The following C2CD2 variants were observed in gnomAD, a reference collection of about 807,000 sequenced individuals.
C2CD2 encodes C2 calcium dependent domain containing 2.
A neutral mutation model predicts 74.3 loss-of-function variants in C2CD2; 43 were observed. The observed-to-expected ratio is 0.58, with a 90% CI of 0.45 to 0.75. The LOEUF is 0.75. C2CD2 is among the 30% of genes least tolerant of loss of function. The pLI, the probability that C2CD2 is intolerant of heterozygous loss-of-function variation, is 0.00. For synonymous variants in C2CD2, 422 were observed against 390.7 expected (o/e 1.08, Z -0.94); for missense variants, 801 against 916.3 (o/e 0.87, Z 1.63).
chr21:41,908,637 A>C (rs2064993313), intron 8 of C2CD2: 1 of 152,180 alleles, frequency 6.6e-6, no homozygotes, highest in Non-Finnish European at 1.5e-5. Context: ...GCTAACAACT[A>C]GGATATAAAA....
intron 1 of C2CD2, among the ~76,000 whole-genome samples, chr21:41,946,021 A>G (rs2065395116): frequency 6.6e-6 from 1 of 152,240 alleles, no homozygotes; most frequent in Non-Finnish European, 1.5e-5. Context: ...ATATTGAGCT[A>G]AACAATCAGA....
chr21:41,927,118 T>C (rs552089071), intron 2 of C2CD2, among the ~76,000 whole-genome samples: 1 of 152,222 alleles, frequency 6.6e-6, no homozygotes, highest in Admixed American at 6.5e-5. Flanking sequence ...ATCTACAACA[T>C]TTAATCCTGT....
Position 41,939,878 on chromosome 21 carries a change from C to A in C2CD2, c.378+2269G>T, listed in dbSNP as rs1390862070. 6.6e-6 allele frequency among the ~76,000 whole-genome samples: 1 copy of A among 152,194 alleles called. No individual in the cohort carries two copies. The highest frequency in any genetic ancestry group is 2.4e-5 in the African/African-American group (1 of 41,448). ...ACACCAGTGACCCGCCAGGCTCATG[C>A]CTGCCCTTGGGGTCCTCCGGTGCTT... On this transcript the variant is annotated intron_variant, in intron 2 of 13. Transcript: ENST00000380486. The surrounding 1 kb of genome is among the most constrained non-coding windows in gnomAD (Gnocchi z 5.5).
At chr21:41,938,335 A>G (rs113628939) in intron 2 of C2CD2, among the ~76,000 whole-genome samples, 188 of 152,348 alleles carry the variant, frequency 1.2e-3, no homozygotes, top group African/African-American at 4.2e-3. Flanking sequence ...CAAAGCTTGT[A>G]TGTGAAATAG....
chr21:41,911,898 C>T (rs886460485), intron 7 of C2CD2, among the ~76,000 whole-genome samples: 1 of 152,270 alleles, frequency 6.6e-6, no homozygotes, highest in East Asian at 1.9e-4. Flanking sequence ...GAAGAGGTCT[C>T]GCTATGTTGC....
rs914679353 is a variant in C2CD2, at chr21:41,948,164, C to A, written c.279+5206G>T. On this transcript the variant is annotated intron_variant, in intron 1 of 13. Transcript: ENST00000380486. The stretch of plus-strand genomic sequence containing the variant: ...CATTAAACAGCTTGTTTTGCCCAGG[C>A]CTGGCTGGCTCCCAAGACAGAAGGC... Among the ~76,000 whole-genome samples, 11 of 152,354 alleles carry A rather than the reference C, an allele frequency of 7.2e-5. No homozygotes were observed. The East Asian group carries it at 2.1e-3, about 29-fold the overall frequency.
intron 2 of C2CD2, among the ~76,000 whole-genome samples, chr21:41,933,387 A>G (rs2065279787): frequency 6.6e-6 from 1 of 152,142 alleles, no homozygotes; most frequent in Non-Finnish European, 1.5e-5. Context: ...GAGGAACACC[A>G]CTGTGAACCC....
chr21:41,913,069 T>A (rs1241131825), intron 6 of C2CD2, among the ~76,000 whole-genome samples: 2 of 152,236 alleles, frequency 1.3e-5, no homozygotes, highest in Non-Finnish European at 1.5e-5. Context: ...GGCAGCACCA[T>A]TATATACACA....
At position 41,924,411 on chromosome 21, in the gene C2CD2, T is replaced by C. The variant is rs1053737833; in HGVS notation, c.379-2326A>G. ...GCCTTCTCTCAATATTGGCAGAAAG[T>C]CGTGCAACTCTTTCTACCGGTTCTT... On this transcript the variant is annotated intron_variant, in intron 2 of 13. Coordinates refer to ENST00000380486, the MANE Select transcript of C2CD2 (RefSeq NM_015500.2). The surrounding 1 kb of genome is among the most constrained non-coding windows in gnomAD (Gnocchi z 4.4). Among the ~76,000 whole-genome samples, 12 of 152,332 alleles carry C rather than the reference T, an allele frequency of 7.9e-5. No homozygotes were observed. Among genetic ancestry groups the C allele is most frequent in the Admixed American group, 3.3e-4 (5 of 15,306 alleles).
rs751189114 is a variant in C2CD2 at position 41,907,672 on chromosome 21, C to A, written c.1131G>T (p.Ser377=). ...GSACGSSVLG[S]VTAEFSYMEP... is the part of the protein sequence containing the mutation. ...AGCCTCGCCCTACCTCTGCCGTGAC[C>A]GAGCCCAGCACCGAGCTGCCGCAGG... Residue 377 remains serine (S), a synonymous_variant, in exon 9 of 14, where the codon TCG becomes TCT. Transcript: ENST00000380486. The A allele has an allele frequency of 6.2e-6, 10 of 1,611,388 alleles. No homozygotes were observed. The highest frequency in any genetic ancestry group is 1.3e-5 in the African/African-American group (1 of 74,866).
intron 2 of C2CD2, among the ~76,000 whole-genome samples, chr21:41,933,009 C>A (rs551912232): frequency 6.7e-6 from 1 of 150,268 alleles, no homozygotes; most frequent in Admixed American, 6.7e-5. Flanking sequence ...CTCAGGCCAG[C>A]CAGTCCTCGG....
chr21:41,931,562 A>G (rs2065261523), intron 2 of C2CD2, among the ~76,000 whole-genome samples: 2 of 149,328 alleles, frequency 1.3e-5, no homozygotes, highest in South Asian at 4.3e-4. Flanking sequence ...AGCTGGGACT[A>G]CAGGCGCGTG....
chr21:41,925,280 G>A (rs1213155283), intron 2 of C2CD2, among the ~76,000 whole-genome samples: 4 of 151,782 alleles, frequency 2.6e-5, no homozygotes, highest in East Asian at 3.9e-4. Context: ...GAGTCCAGGA[G>A]TTCAAGACTA....
chr21:41,899,690 A>G lies in C2CD2; in HGVS notation c.1561-328T>C, dbSNP rs888824962. ...TGCAGAAATGAGATGCGAGAGAGAGAGCCCGTCCTTCAGAGTCCACGACAG... is the reference window on the plus strand; with the variant it reads ...TGCAGAAATGAGATGCGAGAGAGAGGGCCCGTCCTTCAGAGTCCACGACAG... On this transcript the variant is annotated intron_variant, in intron 12 of 13. Coordinates refer to ENST00000380486, the MANE Select transcript of C2CD2 (RefSeq NM_015500.2). This position sits in a 1 kb window ranked among gnomAD's most constrained non-coding sequence, Gnocchi z 4.4. Among the ~76,000 whole-genome samples, 1 of 152,008 alleles carries G rather than the reference A, an allele frequency of 6.6e-6. No individual in the cohort carries two copies. Among genetic ancestry groups the G allele is most frequent in the African/African-American group, 2.4e-5 (1 of 41,376 alleles).
At chr21:41,941,096 A>G (rs1476329579) in intron 2 of C2CD2, among the ~76,000 whole-genome samples, 1 of 152,210 alleles carries the variant, frequency 6.6e-6, no homozygotes, top group African/African-American at 2.4e-5. Context: ...TCACATCTAT[A>G]ATCCCAGCAC....
intron 2 of C2CD2, among the ~76,000 whole-genome samples, chr21:41,933,660 C>A (rs1051235993): frequency 1.3e-5 from 2 of 152,240 alleles, no homozygotes; most frequent in Admixed American, 1.3e-4. Context: ...TCCCAACTGA[C>A]CCTTCCCAGG....
Position 41,899,373 on chromosome 21 carries a change from CAGTGGGGA to C in C2CD2, c.1561-19_1561-12del. 1 of 1,601,030 alleles carries C rather than the reference CAGTGGGGA, an allele frequency of 6.2e-7. No individual in the cohort carries two copies. Among genetic ancestry groups the C allele is most frequent in the Non-Finnish European group, 8.5e-7 (1 of 1,179,298 alleles). On this transcript the variant is annotated splice_polypyrimidine_tract_variant and intron_variant, in intron 12 of 13. Coordinates refer to ENST00000380486, the MANE Select transcript of C2CD2 (RefSeq NM_015500.2). This position sits in a 1 kb window ranked among gnomAD's most constrained non-coding sequence, Gnocchi z 4.4. ...CTGAGATAGTGAGGTCTGTCAGGGG[CAGTGGGGA>C]AGATGACAAGGGATACATGAAAGGA...
Position 41,889,057 on chromosome 21 carries a change from C to A in C2CD2, c.*67G>T. The A allele has an allele frequency of 8.5e-7, 1 of 1,178,204 alleles. No homozygotes were observed. The highest frequency in any genetic ancestry group is 1.3e-6 in the Non-Finnish European group (1 of 792,230). 73.0% of individuals were successfully genotyped at this position (1,178,204 alleles called of 1,614,324 possible). ...TCTGGACATCCGGCGGACACACTGG[C>A]TGCGTCCTGGTGAGGGTAGTTAACA... is the stretch of plus-strand genomic sequence containing the variant. On this transcript the variant is annotated 3_prime_UTR_variant, in exon 14 of 14. Coordinates refer to ENST00000380486, the MANE Select transcript of C2CD2 (RefSeq NM_015500.2).
chr21:41,914,286 T>A, intron 6 of C2CD2, among the ~76,000 whole-genome samples: 1 of 126,346 alleles, frequency 7.9e-6, no homozygotes. Flanking sequence ...ACATACAGGT[T>A]CAACAGTTAA....
Sources: allele counts gnomAD v4.1 joint callset (sites outside exome capture counted in the v4.1 genomes callset), GRCh38; gene constraint gnomAD v4.1.1; non-coding constraint Gnocchi (gnomAD v3.1); transcripts MANE v1.5; gene names NCBI Gene and HGNC (gene_info 2026-07-23, HGNC 2026-07-21).